Variants in TREM1 observed in about 807,000 individuals in gnomAD.
The protein encoded by TREM1 is triggering receptor expressed on monocytes 1.
Under a neutral mutation model 22.4 loss-of-function variants are expected in TREM1, and 16 were observed. That is an observed-to-expected ratio of 0.71 (90% CI 0.48 to 1.08). TREM1 has a LOEUF of 1.08. Ranked by LOEUF, TREM1 falls within the 50% of genes least tolerant of loss-of-function variation. TREM1 has a pLI of 0.00. For missense variants in TREM1, 283 were observed against 282.9 expected, an observed-to-expected ratio of 1.00 and a Z score of 0.00; for synonymous variants, 110 against 111.6, an observed-to-expected ratio of 0.99 and a Z score of 0.09.
rs1478832513 is a variant in TREM1, at chr6:41,282,342, C to T, written c.406+53G>A. ...CCCAGCTCTGCTGATGCTACCACCACTGCCCCTTTCCTCACCTGGCCCTTC... is the reference window on the plus strand; with the variant it reads ...CCCAGCTCTGCTGATGCTACCACCATTGCCCCTTTCCTCACCTGGCCCTTC... On this transcript the variant is annotated intron_variant, in intron 2 of 3. Transcript: ENST00000244709. 4 of 1,411,502 alleles carry T rather than the reference C, an allele frequency of 2.8e-6. No homozygotes were observed. The African/African-American group carries it at 5.6e-5, about 20-fold the overall frequency. The allele number at this position is 1,411,502 out of a possible 1,614,324, so 87.4% of individuals were successfully genotyped here. A position where few individuals can be genotyped will look rare whatever the true frequency, so the allele number is the denominator to read the frequency against.
chr6:41,284,932 T>C (rs930495897), intron 1 of TREM1, among the ~76,000 whole-genome samples: 6 of 152,178 alleles, frequency 3.9e-5, no homozygotes, highest in Non-Finnish European at 7.4e-5. Flanking sequence ...TCCAAGAGAC[T>C]GTTGACCAGA....
intron 3 of TREM1, among the ~76,000 whole-genome samples, chr6:41,278,315 A>G (rs1465773827): frequency 6.6e-6 from 1 of 152,074 alleles, no homozygotes; most frequent in African/African-American, 2.4e-5. Context: ...GTGCCTCTCC[A>G]TCCCCAGGAT....
At chr6:41,279,920 A>C in intron 3 of TREM1, 1 of 975,250 alleles carries the variant, frequency 1.0e-6, no homozygotes, top group Non-Finnish European at 1.2e-6. Context: ...ATATATCTGC[A>C]AGAATATGTT....
At chr6:41,279,498 C>T (rs1251308002) in intron 3 of TREM1, 1 of 981,642 alleles carries the variant, frequency 1.0e-6, no homozygotes, top group Non-Finnish European at 1.2e-6. Context: ...TTATGTATTG[C>T]AAAATGAAAG....
chr6:41,274,649 A>G lies in TREM1; in HGVS notation c.*1476T>C, dbSNP rs191890668. On this transcript the variant is annotated 3_prime_UTR_variant, in exon 4 of 4. Transcript: ENST00000244709. The stretch of plus-strand genomic sequence containing the variant: ...TCAGGATGAAATAAATGCCCACCAC[A>G]CACCTTCTAATGGGCTCAAAATTGC... 1.3e-5 allele frequency among the ~76,000 whole-genome samples: 2 copies of G among 152,202 alleles called. No homozygotes were observed. The highest frequency in any genetic ancestry group is 6.5e-5 in the Admixed American group (1 of 15,296).
At chr6:41,270,596 G>C (rs1767455546), downstream of TREM1, among the ~76,000 whole-genome samples, 1 of 151,988 alleles carries the variant, frequency 6.6e-6, no homozygotes. Flanking sequence ...TCGTAGACTG[G>C]AAAATGTTCA....
At position 41,274,207 on chromosome 6, in the gene TREM1, T is replaced by C. The variant is rs113396058; in HGVS notation, c.*1918A>G. Among the ~76,000 whole-genome samples, 355 of 151,804 alleles carry C rather than the reference T, an allele frequency of 2.3e-3. No homozygotes were observed. Among genetic ancestry groups the C allele is most frequent in the African/African-American group, 8.2e-3 (341 of 41,390 alleles). ...ATGTGTCATGGGCTTTGGTAAGGAG[T>C]GTAATGACTTTTTGGAAACAAGCTT... On this transcript the variant is annotated 3_prime_UTR_variant, in exon 4 of 4. Transcript: ENST00000244709.
At position 41,275,479 on chromosome 6, in the gene TREM1, T is replaced by C. The variant is rs1265079607; in HGVS notation, c.*646A>G. ...ACAGGATGTCTGACATGGTCTGTTG[T>C]TGCTCTCCTATGGATCCCATCTCGG... On this transcript the variant is annotated 3_prime_UTR_variant, in exon 4 of 4. Transcript: ENST00000244709. 1 of 152,420 alleles carries C rather than the reference T, an allele frequency of 6.6e-6. No homozygotes were observed. 9.4% of individuals were successfully genotyped at this position (152,420 alleles called of 1,614,324 possible).
intron 1 of TREM1, among the ~76,000 whole-genome samples, chr6:41,283,785 A>C (rs1408663600): frequency 6.6e-6 from 1 of 152,118 alleles, no homozygotes; most frequent in African/African-American, 2.4e-5. Flanking sequence ...TGGTTTAGGA[A>C]GGAGCACATG....
At chr6:41,282,847 C>T (rs1581635072) in intron 1 of TREM1, 96 bp from the exon 2 acceptor site, 1 of 1,151,570 alleles carries the variant, frequency 8.7e-7, no homozygotes, top group East Asian at 2.3e-5. Context: ...TCTTGTCCAA[C>T]CACCCATATT....
downstream of TREM1, among the ~76,000 whole-genome samples, chr6:41,273,507 T>C (rs1767548031): frequency 6.6e-6 from 1 of 152,196 alleles, no homozygotes; most frequent in African/African-American, 2.4e-5. Context: ...AGAGCTAGAT[T>C]CAAACCCATA....
intron 3 of TREM1, among the ~76,000 whole-genome samples, chr6:41,278,800 T>A (rs1416933902): frequency 6.6e-6 from 1 of 152,064 alleles, no homozygotes; most frequent in Non-Finnish European, 1.5e-5. Flanking sequence ...AGAGATGCAG[T>A]CTCTAGCAGC....
Position 41,275,545 on chromosome 6 carries a change from C to A in TREM1, c.*580G>T. On this transcript the variant is annotated 3_prime_UTR_variant, in exon 4 of 4. Coordinates refer to ENST00000244709, the MANE Select transcript of TREM1 (RefSeq NM_018643.5). Reference sequence around the variant, plus strand: ...CCAGAAGAAGATACTCAGTTTAACTCTTTTCTCTGAGAAGGATGCACTTTC... The same window carrying A: ...CCAGAAGAAGATACTCAGTTTAACTATTTTCTCTGAGAAGGATGCACTTTC... 1 of 152,974 alleles carries A rather than the reference C, an allele frequency of 6.5e-6. No homozygotes were observed. Among genetic ancestry groups the A allele is most frequent in the Non-Finnish European group, 1.5e-5 (1 of 68,600 alleles). The allele number at this position is 152,974 out of a possible 1,614,324, so 9.5% of individuals were successfully genotyped here.
chr6:41,284,228 GA>G (rs952950415), intron 1 of TREM1, among the ~76,000 whole-genome samples: 1 of 152,172 alleles, frequency 6.6e-6, no homozygotes. Context: ...TAACCAGGGA[GA>G]GGGGTGGATG....
At chr6:41,284,175 C>T (rs892126595) in intron 1 of TREM1, among the ~76,000 whole-genome samples, 1 of 152,162 alleles carries the variant, frequency 6.6e-6, no homozygotes, top group Non-Finnish European at 1.5e-5. Flanking sequence ...CGCCACAACT[C>T]TCCCTGAAAC....
chr6:41,280,414 A>G (rs976285856), intron 3 of TREM1: 3 of 991,678 alleles, frequency 3.0e-6, no homozygotes, highest in Non-Finnish European at 3.6e-6. Context: ...GGCACATGCA[A>G]CAATGTTATT....
At chr6:41,283,026 G>A (rs1014786416) in intron 1 of TREM1, among the ~76,000 whole-genome samples, 5 of 152,186 alleles carry the variant, frequency 3.3e-5, no homozygotes, top group Admixed American at 1.3e-4. Flanking sequence ...ACTTTGAGAG[G>A]AAGAAACTGC....
At chr6:41,278,248 T>C (rs548331933) in intron 3 of TREM1, among the ~76,000 whole-genome samples, 2 of 152,266 alleles carry the variant, frequency 1.3e-5, no homozygotes, top group South Asian at 4.1e-4. Context: ...AACAAGACTT[T>C]ACAGCTTGCT....
chr6:41,279,114 T>C (rs1238932601), intron 3 of TREM1, among the ~76,000 whole-genome samples: 1 of 152,206 alleles, frequency 6.6e-6, no homozygotes, highest in Non-Finnish European at 1.5e-5. Context: ...GGAGAGTGTC[T>C]TAGATTGGCC....
Sources: allele counts gnomAD v4.1 joint callset (sites outside exome capture counted in the v4.1 genomes callset), GRCh38; gene constraint gnomAD v4.1.1; transcripts MANE v1.5; gene names NCBI Gene and HGNC (gene_info 2026-07-23, HGNC 2026-07-21).